PTK2: variants seen among roughly 807,000 people sequenced by gnomAD.
The protein encoded by PTK2 is focal adhesion kinase 1.
PTK2 carries 45 observed loss-of-function variants against 150.1 expected under a neutral mutation model. That is an observed-to-expected ratio of 0.30 (90% CI 0.24 to 0.38). The LOEUF (loss-of-function observed/expected upper bound fraction) is 0.38. Ranked by LOEUF, PTK2 falls within the 10% of genes least tolerant of loss-of-function variation. The pLI is 1.00. For missense variants in PTK2, 919 were observed against 1,307.3 expected, an observed-to-expected ratio of 0.70 and a Z score of 4.58; for synonymous variants, 432 against 449.2, an observed-to-expected ratio of 0.96 and a Z score of 0.48.
At chr8:140,947,174 C>T (rs1481574281) in intron 1 of PTK2, among the ~76,000 whole-genome samples, 3 of 152,120 alleles carry the variant, frequency 2.0e-5, no homozygotes. Context: ...CCTCACTATC[C>T]CTATTTCAAA....
At chr8:140,856,828 AT>A (rs2100132932) in intron 5 of PTK2, among the ~76,000 whole-genome samples, 1 of 152,238 alleles carries the variant, frequency 6.6e-6, no homozygotes, top group East Asian at 1.9e-4. Context: ...AACGATACTT[AT>A]GTTGAAGTGT....
intron 1 of PTK2, among the ~76,000 whole-genome samples, chr8:140,941,768 T>C (rs544202204): frequency 3.9e-5 from 6 of 152,280 alleles, no homozygotes; most frequent in African/African-American, 1.4e-4. Context: ...TGCAGTGGCA[T>C]GATCTCAGCT....
At chr8:140,810,206 G>A (rs2100100609) in intron 10 of PTK2, among the ~76,000 whole-genome samples, 1 of 152,254 alleles carries the variant, frequency 6.6e-6, no homozygotes, top group Non-Finnish European at 1.5e-5. Context: ...GCTGCTTAGA[G>A]AAGTGCTAGG....
intron 11 of PTK2, among the ~76,000 whole-genome samples, chr8:140,802,058 T>A (rs1002650021): frequency 2.6e-5 from 4 of 151,682 alleles, no homozygotes; most frequent in Middle Eastern, 3.4e-3. Flanking sequence ...ATTTTTTTTT[T>A]AATTAGAATG....
At chr8:140,761,090 T>C (rs2100069168) in intron 16 of PTK2, 75 bp downstream of exon 19, 11 of 980,288 alleles carry the variant, frequency 1.1e-5, no homozygotes, top group South Asian at 6.9e-5. Context: ...TAAGGACTCA[T>C]GAAGACAAAC....
chr8:140,804,358 T>C (rs2100097067), intron 10 of PTK2, among the ~76,000 whole-genome samples: 1 of 151,068 alleles, frequency 6.6e-6, no homozygotes, highest in African/African-American at 2.4e-5. Context: ...GGGGCTGAGG[T>C]GGGATGATCC....
At chr8:140,976,383 G>A (rs1366862773) in intron 1 of PTK2, among the ~76,000 whole-genome samples, 1 of 151,996 alleles carries the variant, frequency 6.6e-6, no homozygotes, top group Non-Finnish European at 1.5e-5. Context: ...TACTTTCTGG[G>A]GAGAAAAAAA....
At chr8:140,739,784 C>A (rs997236332) in intron 20 of PTK2, among the ~76,000 whole-genome samples, 13 of 152,134 alleles carry the variant, frequency 8.5e-5, no homozygotes, top group African/African-American at 2.2e-4. Context: ...CTGTGCCGTC[C>A]CCTCCCAGCC....
intron 7 of PTK2, among the ~76,000 whole-genome samples, chr8:140,841,092 T>C (rs140629718): frequency 1.1e-4 from 16 of 152,232 alleles, no homozygotes; most frequent in Admixed American, 4.6e-4. Flanking sequence ...TTAATAGACT[T>C]ATAGGAAGAA....
chr8:140,967,410 T>C lies in PTK2; in HGVS notation c.-122+33715A>G, dbSNP rs7011688. 8.2e-3 allele frequency among the ~76,000 whole-genome samples: 1,245 copies of C among 152,180 alleles called. 9 individuals are homozygous for C. Among genetic ancestry groups the C allele is most frequent in the Non-Finnish European group, 0.013 (888 of 67,996 alleles). Reference sequence around the variant, plus strand: ...CCTGGAAAAGAAAATGTCTGTTTGATGCTAAGTGCTAAATAAGGCTCAAAC... The same window carrying C: ...CCTGGAAAAGAAAATGTCTGTTTGACGCTAAGTGCTAAATAAGGCTCAAAC... On this transcript the variant is annotated intron_variant, in intron 1 of 31. Transcript: ENST00000522684.
intron 5 of PTK2, among the ~76,000 whole-genome samples, chr8:140,863,694 G>A (rs2100137608): frequency 6.6e-6 from 1 of 152,156 alleles, no homozygotes; most frequent in Non-Finnish European, 1.5e-5. Context: ...CTTACTAACA[G>A]CAAAGGCTCA....
chr8:140,761,530 C>T (rs867065464), intron 15 of PTK2, among the ~76,000 whole-genome samples: 11 of 152,074 alleles, frequency 7.2e-5, no homozygotes, highest in Middle Eastern at 3.4e-3. Flanking sequence ...TTTAAATTTC[C>T]GATTTATTTT....
chr8:140,997,402 TCTA>T (rs1456750677), intron 1 of PTK2, among the ~76,000 whole-genome samples: 2 of 152,094 alleles, frequency 1.3e-5, no homozygotes, highest in African/African-American at 4.8e-5. Flanking sequence ...TGAAAGAAGT[TCTA>T]CTGTGGATAA....
chr8:140,819,159 A>G (rs2100106667), intron 8 of PTK2, 139 bp from the exon 9 acceptor site: 2 of 823,960 alleles, frequency 2.4e-6, no homozygotes, highest in Non-Finnish European at 1.8e-6. Flanking sequence ...TACTTGTCAA[A>G]TAACTATAAA....
At chr8:140,702,428 A>C in intron 25 of PTK2, 142 bp downstream of exon 28, 1 of 1,050,886 alleles carries the variant, frequency 9.5e-7, no homozygotes, top group Non-Finnish European at 1.4e-6. Flanking sequence ...TATGTTGCCC[A>C]GTCTGGTTTC....
At chr8:140,724,152 C>G (rs540017271) in intron 22 of PTK2, among the ~76,000 whole-genome samples, 6 of 152,218 alleles carry the variant, frequency 3.9e-5, no homozygotes, top group Non-Finnish European at 8.8e-5. Flanking sequence ...AGCTGCTTCT[C>G]TGGTGAGTTA....
intron 1 of PTK2, among the ~76,000 whole-genome samples, chr8:140,964,531 C>T (rs1435957520): frequency 6.6e-6 from 1 of 151,312 alleles, no homozygotes; most frequent in Non-Finnish European, 1.5e-5. Flanking sequence ...GTGGGCACCA[C>T]CCCCAGCCCC....
chr8:140,778,382 C>A (rs1490134015), intron 14 of PTK2, among the ~76,000 whole-genome samples: 1 of 152,152 alleles, frequency 6.6e-6, no homozygotes, highest in African/African-American at 2.4e-5. Flanking sequence ...ACCCGGGAAG[C>A]GGAGATTGCA....
chr8:140,807,111 A>C (rs1321719509), intron 10 of PTK2, among the ~76,000 whole-genome samples: 1 of 152,260 alleles, frequency 6.6e-6, no homozygotes, highest in African/African-American at 2.4e-5. Context: ...GAAGTATGAG[A>C]AGTTATTAGG....
Sources: allele counts gnomAD v4.1 joint callset (sites outside exome capture counted in the v4.1 genomes callset), GRCh38; gene constraint gnomAD v4.1.1; transcripts MANE v1.5; gene names NCBI Gene and HGNC (gene_info 2026-07-23, HGNC 2026-07-21).